The following AMZ1 variants were observed in gnomAD, a reference collection of about 807,000 sequenced individuals.
The protein encoded by AMZ1 is archaemetzincin-1.
AMZ1 carries 39 observed loss-of-function variants against 29.9 expected under a neutral mutation model. The observed-to-expected ratio is 1.30, with a 90% CI of 1.01 to 1.70. The LOEUF is 1.70. Among genes scored for constraint, AMZ1 ranks in the 40% most tolerant of loss-of-function variants. AMZ1 has a pLI of 0.00. For missense variants in AMZ1, 1,041 were observed against 680.6 expected (o/e 1.53, Z -5.89); for synonymous variants, 458 against 304.0 (o/e 1.51, Z -5.27).
intron 3 of AMZ1, among the ~76,000 whole-genome samples, chr7:2,707,782 G>A (rs1303224051): frequency 6.1e-5 from 9 of 147,092 alleles, no homozygotes; most frequent in East Asian, 2.0e-4. Flanking sequence ...CAGGCCTCAC[G>A]TTCTCACCCA....
At chr7:2,695,428 C>T (rs1417362094) in intron 1 of AMZ1, among the ~76,000 whole-genome samples, 1 of 152,104 alleles carries the variant, frequency 6.6e-6, no homozygotes, top group African/African-American at 2.4e-5. Context: ...TGAAAATCTG[C>T]ATGTTCAGGC....
upstream of AMZ1, chr7:2,763,040 T>A: frequency 8.0e-7 from 1 of 1,250,258 alleles, no homozygotes; most frequent in Non-Finnish European, 1.0e-6. Context: ...GGACTCAGCG[T>A]GCCGTTCCTC....
intron 3 of AMZ1, among the ~76,000 whole-genome samples, chr7:2,703,467 A>C (rs1174303957): frequency 2.0e-5 from 3 of 152,002 alleles, no homozygotes; most frequent in African/African-American, 7.3e-5. Flanking sequence ...AAGGCCACTC[A>C]GCATGGCTCC....
intron 4 of AMZ1, among the ~76,000 whole-genome samples, chr7:2,733,290 C>A (rs1227673407): frequency 1.3e-5 from 2 of 152,172 alleles, no homozygotes; most frequent in Non-Finnish European, 2.9e-5. Flanking sequence ...GGGCCCAGAT[C>A]CAAGTGAGAG....
At chr7:2,748,816 A>T (rs1790888621) in intron 4 of AMZ1, among the ~76,000 whole-genome samples, 1 of 152,182 alleles carries the variant, frequency 6.6e-6, no homozygotes, top group Non-Finnish European at 1.5e-5. Context: ...ATTTACAAGA[A>T]AAAAACAAAC....
At position 2,731,189 on chromosome 7, in the gene AMZ1, G is replaced by A. The variant is rs765754611; in HGVS notation, n.550+21373G>A. The A allele has an allele frequency of 6.2e-7, 1 of 1,609,114 alleles. No individual in the cohort carries two copies. Among genetic ancestry groups the A allele is most frequent in the Non-Finnish European group, 8.5e-7 (1 of 1,176,858 alleles). ...CCCCGGGGCTTCCTCGCTCACTGCA[G>A]CATGATGTCCTTCAGGTTCTCCTGC... On this transcript the variant is annotated intron_variant and non_coding_transcript_variant, in intron 4 of 4. Coordinates refer to the AMZ1 transcript ENST00000489665. This position sits in a 1 kb window ranked among gnomAD's most constrained non-coding sequence, Gnocchi z 6.0.
intron 4 of AMZ1, among the ~76,000 whole-genome samples, chr7:2,725,148 G>T (rs1178494105): frequency 6.6e-6 from 1 of 152,224 alleles, no homozygotes; most frequent in Non-Finnish European, 1.5e-5. Context: ...TTCAAACACT[G>T]AGAAAAGCTT....
chr7:2,712,772 G>C lies in AMZ1; in HGVS notation c.1391G>C (p.Arg464Pro). Reference sequence around the variant, plus strand: ...AGCAGCAGGGACAGCGTGGGGCTGCGCAAGGTGCTGGGGGACAAGTTCTCC... The same window carrying C: ...AGCAGCAGGGACAGCGTGGGGCTGCCCAAGGTGCTGGGGGACAAGTTCTCC... ...PPSSRDSVGLRKVLGDKFSSL... is the reference protein window; with the variant it reads ...PPSSRDSVGLPKVLGDKFSSL... Residue 464 changes from arginine (R) to proline (P), a missense_variant, in exon 7 of 7, where the codon CGC becomes CCC. Coordinates refer to ENST00000683327, the MANE Select transcript of AMZ1 (RefSeq NM_001384743.1). 1.3e-6 allele frequency: 2 copies of C among 1,590,098 alleles called. No individual in the cohort carries two copies. The highest frequency in any genetic ancestry group is 1.1e-5 in the South Asian group (1 of 87,528).
At chr7:2,704,616 A>G (rs1402920091) in intron 3 of AMZ1, among the ~76,000 whole-genome samples, 1 of 18,900 alleles carries the variant, frequency 5.3e-5, no homozygotes, top group African/African-American at 4.7e-4. Context: ...TTTTTTTTTA[A>G]GACGGAGTCT....
At chr7:2,691,483 A>G (rs928139200) in intron 1 of AMZ1, among the ~76,000 whole-genome samples, 7 of 148,592 alleles carry the variant, frequency 4.7e-5, no homozygotes, top group South Asian at 2.1e-4. Context: ...TGGCTCACAC[A>G]TATAATCCCA....
intron 1 of AMZ1, among the ~76,000 whole-genome samples, chr7:2,690,889 C>T (rs991532067): frequency 1.3e-5 from 2 of 152,046 alleles, no homozygotes; most frequent in African/African-American, 4.8e-5. Flanking sequence ...CTCTGAAATC[C>T]CAGTGCTTTG....
At position 2,712,607 on chromosome 7, in the gene AMZ1, G is replaced by A. The variant is rs373933360; in HGVS notation, c.1226G>A (p.Arg409Gln). Residue 409 changes from arginine (R) to glutamine (Q), a missense_variant, in exon 7 of 7, where the codon CGG (arginine) becomes CAG (glutamine). Transcript: ENST00000683327. ...GCGGAGGCCATCAAGGAGCATGAACGGTGGCTGGCCATGTGCATCCAGGCC... is the reference window on the plus strand; with the variant it reads ...GCGGAGGCCATCAAGGAGCATGAACAGTGGCTGGCCATGTGCATCCAGGCC... ...GPAEAIKEHE[R>Q]WLAMCIQALQ... 1.6e-4 allele frequency: 266 copies of A among 1,612,724 alleles called. 2 individuals are homozygous for A. Among genetic ancestry groups the A allele is most frequent in the East Asian group, 4.2e-4 (19 of 44,868 alleles).
rs1474289220 is a variant in AMZ1, at chr7:2,716,672, A to G, written c.*3794A>G. On this transcript the variant is annotated 3_prime_UTR_variant, in exon 7 of 7. Coordinates refer to ENST00000683327, the MANE Select transcript of AMZ1 (RefSeq NM_001384743.1). ...TGCTCTGCAGACCCACCAGGCAGGG[A>G]CGGCCAGGCCTCGGAGAGAGGGACC... 5 of 152,280 alleles carry G rather than the reference A, an allele frequency of 3.3e-5. No homozygotes were observed. Among genetic ancestry groups the G allele is most frequent in the African/African-American group, 1.2e-4 (5 of 41,460 alleles). The allele number at this position is 152,280 out of a possible 1,614,324, so 9.4% of individuals were successfully genotyped here.
At chr7:2,704,917 C>G (rs1045400414) in intron 3 of AMZ1, among the ~76,000 whole-genome samples, 3 of 152,134 alleles carry the variant, frequency 2.0e-5, no homozygotes, top group African/African-American at 7.2e-5. Context: ...TTTTATAGGT[C>G]TCAGTTGCCT....
chr7:2,744,610 A>G (rs1379028396), intron 4 of AMZ1, among the ~76,000 whole-genome samples: 3 of 152,126 alleles, frequency 2.0e-5, no homozygotes, highest in African/African-American at 2.4e-5. Flanking sequence ...AAATCAGAGC[A>G]CCTCTCCTCC....
intron 4 of AMZ1, among the ~76,000 whole-genome samples, chr7:2,752,874 G>A (rs116033688): frequency 0.012 from 1,870 of 152,278 alleles, 52 homozygotes; most frequent in African/African-American, 0.043. Context: ...CCAGGGAACT[G>A]ACGTTAGTAC....
At chr7:2,711,573 T>C (rs1040737219) in intron 6 of AMZ1, among the ~76,000 whole-genome samples, 3 of 152,166 alleles carry the variant, frequency 2.0e-5, no homozygotes, top group Non-Finnish European at 4.4e-5. Context: ...GAAGTGAGTT[T>C]CAAGTACTGC....
upstream of AMZ1, among the ~76,000 whole-genome samples, chr7:2,684,872 CT>C (rs60735391): frequency 6.9e-3 from 917 of 132,600 alleles, 10 homozygotes; most frequent in African/African-American, 0.022. Context: ...CACATAATTG[CT>C]TTTTTTTTTT....
At chr7:2,711,642 A>G (rs1788785544) in intron 6 of AMZ1, among the ~76,000 whole-genome samples, 1 of 152,070 alleles carries the variant, frequency 6.6e-6, no homozygotes, top group Non-Finnish European at 1.5e-5. Flanking sequence ...GCTGGTCTTG[A>G]ACTCCTGGTT....
Sources: gnomAD v4.1 joint callset for allele counts (sites outside exome capture counted in the v4.1 genomes callset) on GRCh38, gnomAD v4.1.1 for gene constraint, Gnocchi (gnomAD v3.1) non-coding constraint, MANE v1.5 for transcripts, NCBI Gene and HGNC (gene_info 2026-07-23, HGNC 2026-07-21) for gene names.